Variants in DCC observed in about 807,000 individuals in gnomAD.
DCC encodes DCC netrin 1 receptor, also known as netrin receptor DCC.
DCC carries 58 observed loss-of-function variants against 172.5 expected under a neutral mutation model. The observed-to-expected ratio is 0.34, with a 90% CI of 0.27 to 0.42. The LOEUF (loss-of-function observed/expected upper bound fraction) is 0.42, where lower values mean the gene tolerates loss of function less well. DCC is among the 10% of genes least tolerant of loss of function. The pLI is 1.00. For missense variants in DCC, 1,740 were observed against 1,791.0 expected, an observed-to-expected ratio of 0.97 and a Z score of 0.51; for synonymous variants, 709 against 644.5, an observed-to-expected ratio of 1.10 and a Z score of -1.52.
chr18:53,323,799 A>C (rs1485528398), intron 14 of DCC, among the ~76,000 whole-genome samples: 2 of 152,168 alleles, frequency 1.3e-5, no homozygotes, highest in Non-Finnish European at 2.9e-5. Flanking sequence ...GCAAAAATAC[A>C]TTGGCGATTG....
At position 53,178,967 on chromosome 18, in the gene DCC, G is replaced by A. The variant is rs2055151919; in HGVS notation, c.1424G>A (p.Arg475Gln). ...CTGCAACTTTGATTTCTCAGGGAAC[G>A]AGCATTGAATACAACACAGCCTGGG... ...FFSREGDNRE[R>Q]ALNTTQPGSL... The change falls in exon 9 of 29, where the codon CGA (arginine) becomes CAA (glutamine). Residue 475 changes from arginine (R) to glutamine (Q), a missense_variant. Around this residue, in one of 2 missense-constraint regions of DCC, gnomAD observed 1,732 missense variants for 1,767.4 expected, o/e 0.98. Coordinates refer to ENST00000442544, the MANE Select transcript of DCC (RefSeq NM_005215.4). The A allele has an allele frequency of 2.5e-6, 4 of 1,613,968 alleles. No individual in the cohort carries two copies. Among genetic ancestry groups the A allele is most frequent in the East Asian group, 4.5e-5 (2 of 44,862 alleles).
At chr18:52,768,704 A>G (rs1438610485) in intron 2 of DCC, among the ~76,000 whole-genome samples, 10 of 151,874 alleles carry the variant, frequency 6.6e-5, no homozygotes, top group Admixed American at 6.6e-4. Flanking sequence ...GTTTGTGTGC[A>G]TGTGTGTGTG....
At chr18:53,359,899 C>T (rs1388928789) in intron 15 of DCC, among the ~76,000 whole-genome samples, 3 of 152,052 alleles carry the variant, frequency 2.0e-5, no homozygotes, top group Non-Finnish European at 2.9e-5. Context: ...GGCTTGTATC[C>T]CATCTTCTTC....
chr18:53,483,986 G>GAT (rs1266782964), intron 25 of DCC, among the ~76,000 whole-genome samples: 1 of 151,402 alleles, frequency 6.6e-6, no homozygotes, highest in Admixed American at 6.6e-5. Context: ...TAGATAGATA[G>GAT]ATAGATAGAT....
At chr18:53,068,676 C>T (rs1249946985) in intron 7 of DCC, among the ~76,000 whole-genome samples, 1 of 151,732 alleles carries the variant, frequency 6.6e-6, no homozygotes, top group Non-Finnish European at 1.5e-5. Context: ...AGGGAGGATT[C>T]TTTGAAGTGC....
At chr18:53,332,135 A>G (rs1487226057) in intron 14 of DCC, among the ~76,000 whole-genome samples, 2 of 152,178 alleles carry the variant, frequency 1.3e-5, no homozygotes, top group Admixed American at 6.6e-5. Context: ...TAGGAGACAC[A>G]TATTTTCAGA....
At chr18:52,671,884 A>G (rs914866074) in intron 1 of DCC, among the ~76,000 whole-genome samples, 1 of 152,150 alleles carries the variant, frequency 6.6e-6, no homozygotes, top group Admixed American at 6.5e-5. Context: ...AAACTCTTGA[A>G]AAGGAAGTAA....
chr18:52,838,933 G>A (rs1256977878), intron 2 of DCC, among the ~76,000 whole-genome samples: 1 of 152,160 alleles, frequency 6.6e-6, no homozygotes, highest in African/African-American at 2.4e-5. Flanking sequence ...ATTTAAGCTG[G>A]TTCTGGGAAA....
At chr18:52,998,138 A>T (rs1367673894) in intron 5 of DCC, among the ~76,000 whole-genome samples, 1 of 152,122 alleles carries the variant, frequency 6.6e-6, no homozygotes, top group Non-Finnish European at 1.5e-5. Context: ...TTAGCTTGCC[A>T]CATTTCATAT....
chr18:53,256,736 C>A (rs946215186), intron 12 of DCC, among the ~76,000 whole-genome samples: 10 of 152,106 alleles, frequency 6.6e-5, no homozygotes, highest in African/African-American at 2.4e-4. Context: ...TAGGTTTTCC[C>A]AATTCTGTGA....
intron 7 of DCC, among the ~76,000 whole-genome samples, chr18:53,101,827 ATT>A (rs66953859): frequency 0.52 from 70,797 of 135,754 alleles, 17,115 homozygotes; most frequent in African/African-American, 0.57. Flanking sequence ...GTGTGTGTGT[ATT>A]TGTGTGTGTG....
intron 1 of DCC, among the ~76,000 whole-genome samples, chr18:52,563,861 C>A (rs1167181927): frequency 6.6e-6 from 1 of 152,132 alleles, no homozygotes; most frequent in Non-Finnish European, 1.5e-5. Context: ...TTGGCCAAAG[C>A]CAGGAATGCC....
rs147470133 is a variant in DCC, at chr18:53,411,952, A to G, written c.3130+1306A>G. On this transcript the variant is annotated intron_variant, in intron 20 of 28. Coordinates refer to ENST00000442544, the MANE Select transcript of DCC (RefSeq NM_005215.4). ...CATTTTTATCTATAGATGAGTGCCAAATTAATTTCATACTCATAATGTTTG... is the reference window on the plus strand; with the variant it reads ...CATTTTTATCTATAGATGAGTGCCAGATTAATTTCATACTCATAATGTTTG... 4.6e-5 allele frequency among the ~76,000 whole-genome samples: 7 copies of G among 152,252 alleles called. No individual in the cohort carries two copies. In the East Asian group the frequency reaches 1.4e-3, roughly 29 times the overall value.
chr18:53,306,101 G>A (rs1209425681), intron 13 of DCC, among the ~76,000 whole-genome samples: 1 of 152,108 alleles, frequency 6.6e-6, no homozygotes, highest in Middle Eastern at 3.2e-3. Flanking sequence ...ATTCAGGGGT[G>A]AGAATGGGTT....
chr18:52,898,776 T>C (rs1416913143), intron 2 of DCC, among the ~76,000 whole-genome samples: 2 of 152,158 alleles, frequency 1.3e-5, no homozygotes, highest in Admixed American at 1.3e-4. Flanking sequence ...ACATTTCTAC[T>C]GCCTGGTGAC....
At chr18:52,363,142 G>C (rs567724067) in intron 1 of DCC, among the ~76,000 whole-genome samples, 21 of 152,242 alleles carry the variant, frequency 1.4e-4, no homozygotes, top group African/African-American at 5.1e-4. Flanking sequence ...CTCCCAAAGT[G>C]CTGGGATTAC....
chr18:52,932,251 A>G (rs368781241), intron 5 of DCC, among the ~76,000 whole-genome samples: 1 of 152,172 alleles, frequency 6.6e-6, no homozygotes, highest in Non-Finnish European at 1.5e-5. Flanking sequence ...TAATCTGACT[A>G]TAATTGTGAA....
intron 13 of DCC, among the ~76,000 whole-genome samples, chr18:53,314,187 A>AAT (rs2057317823): frequency 6.6e-6 from 1 of 152,196 alleles, no homozygotes; most frequent in South Asian, 2.1e-4. Context: ...AAGCAGGGCC[A>AAT]CCTGAAACCT....
intron 12 of DCC, among the ~76,000 whole-genome samples, chr18:53,261,985 A>G (rs1453576523): frequency 6.6e-6 from 1 of 152,222 alleles, no homozygotes; most frequent in African/African-American, 2.4e-5. Flanking sequence ...AGGCTGTGTG[A>G]GAGAAGATGG....
Sources: allele counts gnomAD v4.1 joint callset (sites outside exome capture counted in the v4.1 genomes callset), GRCh38; gene constraint gnomAD v4.1.1; regional missense constraint gnomAD v4.1.1; transcripts MANE v1.5; gene names NCBI Gene and HGNC (gene_info 2026-07-23, HGNC 2026-07-21).